LRP4: variants seen among roughly 807,000 people sequenced by gnomAD.
LRP4 encodes the protein low-density lipoprotein receptor-related protein 4.
In LRP4, 95 loss-of-function variants were observed where a neutral mutation model predicts 220.3. That is an observed-to-expected ratio of 0.43 (90% confidence interval 0.37 to 0.51). The LOEUF (loss-of-function observed/expected upper bound fraction) is 0.51, where lower values mean the gene tolerates loss of function less well. Among genes scored for constraint, LRP4 ranks in the 20% least tolerant of loss-of-function variants. LRP4 has a pLI of 0.00. For missense variants in LRP4, 1,925 were observed against 2,567.0 expected (o/e 0.75, Z 5.40); for synonymous variants, 903 against 954.6 (o/e 0.95, Z 1.00).
In LRP4 at chr11:46,897,625, A is replaced by ACCGCCCTTAATCCATTTAACC. The variant is rs2134858156; in HGVS notation, c.797-652_797-632dup. Among the ~76,000 whole-genome samples, 3 of 150,616 alleles carry ACCGCCCTTAATCCATTTAACC rather than the reference A, an allele frequency of 2.0e-5. 1 individual carries two copies. The South Asian group carries it at 6.3e-4, about 32-fold the overall frequency. On this transcript the variant is annotated intron_variant, in intron 7 of 37. Transcript: ENST00000378623. Reference sequence around the variant, plus strand: ...ATCTGTTTAACAAAGCACATCTTGCACCGCCCTTAATCCATTTAACCCTGA... The same window carrying ACCGCCCTTAATCCATTTAACC: ...ATCTGTTTAACAAAGCACATCTTGCACCGCCCTTAATCCATTTAACCCCGCCCTTAATCCATTTAACCCTGA...
At chr11:46,888,846 G>A (rs769272372) in intron 16 of LRP4, among the ~76,000 whole-genome samples, 42 of 152,268 alleles carry the variant, frequency 2.8e-4, no homozygotes, top group Middle Eastern at 3.4e-3. Context: ...AAGTCATCGT[G>A]TGCTGGGCTC....
chr11:46,882,707 T>C (rs549290580), intron 19 of LRP4, among the ~76,000 whole-genome samples: 9 of 151,274 alleles, frequency 5.9e-5, no homozygotes, highest in Non-Finnish European at 1.0e-4. Context: ...ACTGTAAAAA[T>C]TAGCTAGGCA....
chr11:46,874,697 A>G (rs1489163019), intron 28 of LRP4, 103 bp downstream of exon 28: 2 of 972,214 alleles, frequency 2.1e-6, no homozygotes, highest in Non-Finnish European at 1.6e-6. Flanking sequence ...CTCACTATCC[A>G]AAGTGCCAAA....
intron 1 of LRP4, among the ~76,000 whole-genome samples, chr11:46,904,035 C>T (rs1307938232): frequency 2.6e-5 from 4 of 152,224 alleles, no homozygotes; most frequent in Non-Finnish European, 4.4e-5. Flanking sequence ...CTGCTCCAGC[C>T]TCAGCTGGAA....
At chr11:46,901,005 A>C (rs1439144856) in intron 2 of LRP4, among the ~76,000 whole-genome samples, 1 of 152,098 alleles carries the variant, frequency 6.6e-6, no homozygotes, top group African/African-American at 2.4e-5. Context: ...CATGTTGGCC[A>C]GGCCAGTCTC....
At chr11:46,872,999 C>A in intron 30 of LRP4, 101 bp downstream of exon 30, 1 of 1,509,392 alleles carries the variant, frequency 6.6e-7, no homozygotes. Flanking sequence ...TCCCCACATA[C>A]CAAGAAGCTT....
Position 46,918,294 on chromosome 11 carries a change from C to T in LRP4, c.52+34G>A. ...GAGGCGAGTCCTGCAGCGGCCGGACCCAGGGACAAACTTTCCCGGCGGGCG... is the reference window on the plus strand; with the variant it reads ...GAGGCGAGTCCTGCAGCGGCCGGACTCAGGGACAAACTTTCCCGGCGGGCG... On this transcript the variant is annotated intron_variant, in intron 1 of 37. Coordinates refer to ENST00000378623, the MANE Select transcript of LRP4 (RefSeq NM_002334.4). The surrounding 1 kb of genome is among the most constrained non-coding windows in gnomAD (Gnocchi z 6.0). 1 of 1,509,282 alleles carries T rather than the reference C, an allele frequency of 6.6e-7. No individual in the cohort carries two copies. The allele number at this position is 1,509,282 out of a possible 1,614,324, so 93.5% of individuals were successfully genotyped here. A position where few individuals can be genotyped will look rare whatever the true frequency, so the allele number is the denominator to read the frequency against.
intron 20 of LRP4, among the ~76,000 whole-genome samples, chr11:46,881,308 C>T (rs922519513): frequency 6.6e-6 from 1 of 152,092 alleles, no homozygotes; most frequent in Non-Finnish European, 1.5e-5. Context: ...TTCTTTTTAC[C>T]TGTTCTTGCA....
chr11:46,885,262 G>A lies in LRP4; in HGVS notation c.2506+829C>T, dbSNP rs142524003. 7.2e-5 allele frequency among the ~76,000 whole-genome samples: 11 copies of A among 152,254 alleles called. No individual in the cohort carries two copies. In the East Asian group the frequency reaches 9.7e-4, roughly 13 times the overall value. On this transcript the variant is annotated intron_variant, in intron 18 of 37. Coordinates refer to ENST00000378623, the MANE Select transcript of LRP4 (RefSeq NM_002334.4). Reference sequence around the variant, plus strand: ...AGATCTTGCCCTGGTCCCCCAAAGCGCTAGGATTATAGGTGTGAGCCACCA... The same window carrying A: ...AGATCTTGCCCTGGTCCCCCAAAGCACTAGGATTATAGGTGTGAGCCACCA...
chr11:46,861,523 CTTTTT>C (rs576719115), intron 37 of LRP4, among the ~76,000 whole-genome samples: 20 of 83,488 alleles, frequency 2.4e-4, no homozygotes, highest in African/African-American at 8.0e-4. Context: ...GGAAATGGGA[CTTTTT>C]TTTTTTTTTT....
At position 46,899,917 on chromosome 11, in the gene LRP4, G is replaced by C; in HGVS notation, c.376C>G (p.Leu126Val). 6.2e-7 allele frequency: 1 copy of C among 1,613,938 alleles called. No individual in the cohort carries two copies. Among genetic ancestry groups the C allele is most frequent in the Non-Finnish European group, 8.5e-7 (1 of 1,180,040 alleles). ...TCATTGTCACCATCGCAGTGCCACA[G>C]ACTCCGGATGCAGTAGCCATTCTGG... ...PCQNGYCIRS[L>V]WHCDGDNDCG... The change falls in exon 4 of 38, where the codon CTG (leucine) becomes GTG (valine). Residue 126 changes from leucine to valine, a missense_variant. Physicochemically the swap from Leu to Val is conservative, Grantham distance 32. Coordinates refer to ENST00000378623, the MANE Select transcript of LRP4 (RefSeq NM_002334.4). The surrounding 1 kb of genome is among the most constrained non-coding windows in gnomAD (Gnocchi z 5.9).
At chr11:46,878,384 ATTC>A (rs1941068949) in intron 22 of LRP4, among the ~76,000 whole-genome samples, 1 of 148,350 alleles carries the variant, frequency 6.7e-6, no homozygotes, top group South Asian at 2.1e-4. Flanking sequence ...GGTTCAAGCA[ATTC>A]TTCTGCCTTA....
rs1466975808 is a variant in LRP4, at chr11:46,857,980, T to C, written c.*1003A>G. ...CCAACCTGATCGTTCTTTCTGACCA[T>C]TTATGACAACTTCTGGTTTTTCTTT... is the stretch of plus-strand genomic sequence containing the variant. On this transcript the variant is annotated 3_prime_UTR_variant, in exon 38 of 38. Transcript: ENST00000378623. 6.5e-6 allele frequency: 1 copy of C among 152,704 alleles called. No individual in the cohort carries two copies. The highest frequency in any genetic ancestry group is 1.5e-5 in the Non-Finnish European group (1 of 68,084). 9.5% of individuals were successfully genotyped at this position (152,704 alleles called of 1,614,324 possible). A position where few individuals can be genotyped will look rare whatever the true frequency, so the allele number is the denominator to read the frequency against.
At chr11:46,860,681 T>C (rs1940521505) in intron 37 of LRP4, among the ~76,000 whole-genome samples, 1 of 152,166 alleles carries the variant, frequency 6.6e-6, no homozygotes, top group African/African-American at 2.4e-5. Context: ...GATTATACAA[T>C]ATAAAACATG....
At chr11:46,904,510 C>CGGATGGATGGACGGACAGACGGAT (rs1941726903) in intron 1 of LRP4, among the ~76,000 whole-genome samples, 1 of 116,006 alleles carries the variant, frequency 8.6e-6, no homozygotes, top group Non-Finnish European at 1.9e-5. Flanking sequence ...GACGGACAGA[C>CGGATGGATGGACGGACAGACGGAT]GGATGGATGG....
In LRP4 at chr11:46,894,758, G is replaced by T. The variant is rs916361663; in HGVS notation, c.1371C>A (p.Arg457=). The change falls in exon 12 of 38, where the codon CGC becomes CGA. Residue 457 remains arginine, a synonymous_variant. Transcript: ENST00000378623. ...TGTTAAGCAGCAGTGTGTACTCAGA[G>T]CGGTGTGGCAGCACCTGCCGGATGT... The part of the protein sequence containing the change: ...RIDIRQVLPH[R]SEYTLLLNNL... 5 of 1,614,122 alleles carry T rather than the reference G, an allele frequency of 3.1e-6. No homozygotes were observed. The highest frequency in any genetic ancestry group is 4.2e-6 in the Non-Finnish European group (5 of 1,180,044).
In LRP4 at chr11:46,886,312, C is replaced by A; in HGVS notation, c.2424+13G>T. Reference sequence around the variant, plus strand: ...TGGATTCCACCCTTCAACCTCCCCACGCTGGGCCCTACCTCCTGTCCTGTT... The same window carrying A: ...TGGATTCCACCCTTCAACCTCCCCAAGCTGGGCCCTACCTCCTGTCCTGTT... On this transcript the variant is annotated intron_variant, in intron 17 of 37. Transcript: ENST00000378623. 1 of 1,586,546 alleles carries A rather than the reference C, an allele frequency of 6.3e-7. No individual in the cohort carries two copies. Among genetic ancestry groups the A allele is most frequent in the Non-Finnish European group, 8.6e-7 (1 of 1,165,276 alleles).
At chr11:46,889,843 A>G (rs1272372977) in intron 15 of LRP4, 101 bp downstream of exon 15, 5 of 1,347,504 alleles carry the variant, frequency 3.7e-6, no homozygotes, top group Non-Finnish European at 5.3e-6. Context: ...TTTCCCCATC[A>G]GAAGAAATGG....
intron 34 of LRP4, among the ~76,000 whole-genome samples, chr11:46,867,108 AG>A: frequency 6.6e-6 from 1 of 152,330 alleles, no homozygotes; most frequent in East Asian, 1.9e-4. Context: ...TTCTCAAATC[AG>A]GAAGCATTTT....
Sources: gnomAD v4.1 joint callset for allele counts (sites outside exome capture counted in the v4.1 genomes callset) on GRCh38, gnomAD v4.1.1 for gene constraint, Gnocchi (gnomAD v3.1) non-coding constraint, MANE v1.5 for transcripts, NCBI Gene and HGNC (gene_info 2026-07-23, HGNC 2026-07-21) for gene names.